ZNF19: variants seen among roughly 807,000 people sequenced by gnomAD.
ZNF19 encodes the protein zinc finger protein 19 (KOX 12).
In ZNF19, 11 loss-of-function variants were observed where a neutral mutation model predicts 13.1. That is an observed-to-expected ratio of 0.84 (90% confidence interval 0.53 to 1.39). ZNF19 has a LOEUF of 1.39. Among genes scored for constraint, ZNF19 ranks in the 40% most tolerant of loss-of-function variants. ZNF19 has a pLI of 0.00. For missense variants in ZNF19, 560 were observed against 547.0 expected, an observed-to-expected ratio of 1.02 and a Z score of -0.24; for synonymous variants, 186 against 187.0, an observed-to-expected ratio of 0.99 and a Z score of 0.04.
At chr16:71,477,930 G>A (rs780013626) in intron 5 of ZNF19, 2 of 289,834 alleles carry the variant, frequency 6.9e-6, no homozygotes, top group Non-Finnish European at 1.3e-5. Flanking sequence ...CTTAAACAAC[G>A]TTCAGCACAT....
intron 3 of ZNF19, among the ~76,000 whole-genome samples, chr16:71,481,157 G>A (rs1490642616): frequency 1.3e-5 from 2 of 152,210 alleles, no homozygotes; most frequent in Non-Finnish European, 1.5e-5. Flanking sequence ...GAAACTGAGT[G>A]ATCAGGACTG....
In ZNF19 at chr16:71,484,760, A is replaced by G; in HGVS notation, c.-189-12T>C. ...GGATCCTCAGAGACCTTGAATAGGAAAGAAAGTATATCATTGTTTTCGCTA... is the reference window on the plus strand; with the variant it reads ...GGATCCTCAGAGACCTTGAATAGGAGAGAAAGTATATCATTGTTTTCGCTA... On this transcript the variant is annotated splice_polypyrimidine_tract_variant and intron_variant, in intron 1 of 5. Transcript: ENST00000288177. The G allele has an allele frequency of 2.0e-6, 2 of 984,138 alleles. No homozygotes were observed. The highest frequency in any genetic ancestry group is 2.4e-6 in the Non-Finnish European group (2 of 828,738). 61.0% of individuals were successfully genotyped at this position (984,138 alleles called of 1,614,324 possible). A position where few individuals can be genotyped will look rare whatever the true frequency, so the allele number is the denominator to read the frequency against.
At chr16:71,479,617 T>G (rs2043625410) in intron 3 of ZNF19, among the ~76,000 whole-genome samples, 1 of 152,186 alleles carries the variant, frequency 6.6e-6, no homozygotes, top group South Asian at 2.1e-4. Context: ...CAATCCACTC[T>G]GCTCCTTGAT....
Position 71,475,402 on chromosome 16 carries a change from T to G in ZNF19, c.1145A>C (p.Glu382Ala), listed in dbSNP as rs758657078. 6.2e-7 allele frequency: 1 copy of G among 1,614,186 alleles called. No individual in the cohort carries two copies. The highest frequency in any genetic ancestry group is 8.5e-7 in the Non-Finnish European group (1 of 1,180,028). Residue 382 changes from glutamate (E) to alanine (A), a missense_variant, in exon 6 of 6, where the codon GAG becomes GCG. Transcript: ENST00000288177. ...ACACTCATCACATACATAGGAAGAC[T>G]CCTGAGTATGAATTCTCAGATGCCT... ...LKRHLRIHTQ[E>A]SSYVCDECGK...
intron 1 of ZNF19, among the ~76,000 whole-genome samples, chr16:71,488,357 CAA>C (rs1204906609): frequency 2.4e-4 from 16 of 65,372 alleles, no homozygotes; most frequent in East Asian, 4.5e-4. Flanking sequence ...GAGACTATCT[CAA>C]AAAAAAAAAA....
At chr16:71,488,650 T>C (rs2043698580) in intron 1 of ZNF19, among the ~76,000 whole-genome samples, 1 of 152,024 alleles carries the variant, frequency 6.6e-6, no homozygotes, top group East Asian at 2.0e-4. Context: ...AATACAAAAA[T>C]TAGCCGGGTG....
chr16:71,488,805 A>C (rs374725153), intron 1 of ZNF19, among the ~76,000 whole-genome samples: 1 of 152,246 alleles, frequency 6.6e-6, no homozygotes, highest in African/African-American at 2.4e-5. Flanking sequence ...GTCTCAAAAA[A>C]ACCAAAACAA....
chr16:71,483,726 T>G (rs1298348147), intron 2 of ZNF19, among the ~76,000 whole-genome samples: 1 of 152,214 alleles, frequency 6.6e-6, no homozygotes, highest in African/African-American at 2.4e-5. Context: ...TTGTGCTTTC[T>G]TCATTCAACA....
rs1257416044 is a variant in ZNF19 at position 71,475,851 on chromosome 16, C to G, written c.696G>C (p.Leu232=). 6.2e-7 allele frequency: 1 copy of G among 1,613,530 alleles called. No homozygotes were observed. The highest frequency in any genetic ancestry group is 1.1e-5 in the South Asian group (1 of 91,026). The part of the protein sequence containing the change: ...CGRAFNDNAN[L]IRHQRIHSGD... ...CACTGTGGATTCTCTGATGCCTGAT[C>G]AGATTTGCATTATCATTAAAGGCTC... Residue 232 remains leucine (L), a synonymous_variant, in exon 6 of 6, where the codon CTG becomes CTC. Coordinates refer to ENST00000288177, the MANE Select transcript of ZNF19 (RefSeq NM_006961.4).
In ZNF19 at chr16:71,475,277, T is replaced by C; in HGVS notation, c.1270A>G (p.Thr424Ala). The change falls in exon 6 of 6, where the codon ACT becomes GCT. Residue 424 changes from threonine to alanine, a missense_variant. By Grantham distance (58) the Thr-to-Ala change is moderately conservative. Coordinates refer to ENST00000288177, the MANE Select transcript of ZNF19 (RefSeq NM_006961.4). ...ECSKYEKAFGTSSQLGHLEHV... is the reference protein window; with the variant it reads ...ECSKYEKAFGASSQLGHLEHV... The stretch of plus-strand genomic sequence containing the variant: ...TCAAGGTGACCTAGCTGGGAAGAAG[T>C]CCCAAAGGCCTTCTCATACTTGCTA... 6.2e-7 allele frequency: 1 copy of C among 1,614,198 alleles called. No homozygotes were observed. Among genetic ancestry groups the C allele is most frequent in the Non-Finnish European group, 8.5e-7 (1 of 1,180,026 alleles).
rs115865959 is a variant in ZNF19 at position 71,479,058 on chromosome 16, G to A, written c.34-53C>T. 8.0e-4 allele frequency: 1,296 copies of A among 1,613,618 alleles called. 8 individuals are homozygous for A. In the African/African-American group the frequency reaches 0.016, roughly 20 times the overall value. Reference sequence around the variant, plus strand: ...GAGCCAATCCTCTGGCTCCGGGCCAGAGTGTGGGGCAGAGGGGACAGGTAG... The same window carrying A: ...GAGCCAATCCTCTGGCTCCGGGCCAAAGTGTGGGGCAGAGGGGACAGGTAG... On this transcript the variant is annotated intron_variant, in intron 3 of 5. Transcript: ENST00000288177.
At position 71,486,017 on chromosome 16, in the gene ZNF19, G is replaced by A. The variant is rs151228470; in HGVS notation, c.-189-1269C>T. On this transcript the variant is annotated intron_variant, in intron 1 of 5. Transcript: ENST00000288177. ...ATGACAAAGGGAAATTGAGGTTGCAGGTGGAATTAAGATTGCTAGTCAGCC... is the reference window on the plus strand; with the variant it reads ...ATGACAAAGGGAAATTGAGGTTGCAAGTGGAATTAAGATTGCTAGTCAGCC... 4.6e-4 allele frequency among the ~76,000 whole-genome samples: 70 copies of A among 152,158 alleles called. No individual in the cohort carries two copies. The Middle Eastern group carries it at 0.014, about 30-fold the overall frequency.
chr16:71,484,785 A>C (rs1355816316), intron 1 of ZNF19, 37 bp from the exon 2 acceptor site: 5 of 972,870 alleles, frequency 5.1e-6, no homozygotes, highest in Non-Finnish European at 6.1e-6. Context: ...TGTTTTCGCT[A>C]ATCTCTAACC....
At chr16:71,486,045 C>G (rs80179011) in intron 1 of ZNF19, among the ~76,000 whole-genome samples, 5,694 of 152,120 alleles carry the variant, frequency 0.037, 355 homozygotes, top group African/African-American at 0.13. Flanking sequence ...AGTCAGCCAA[C>G]TTTAAGATTA....
Position 71,475,539 on chromosome 16 carries a change from T to C in ZNF19, c.1008A>G (p.Gln336=), listed in dbSNP as rs889127380. ...TTAGTTTTGTATGAAAATTGAAGGC[T>C]TGTCCACATACTTTACAAGAATAAG... is the stretch of plus-strand genomic sequence containing the variant. ...EKPYSCKVCG[Q]AFNFHTKLTR... is the part of the protein sequence containing the mutation. Residue 336 remains glutamine, a synonymous_variant, in exon 6 of 6, where the codon CAA becomes CAG. Transcript: ENST00000288177. 1 of 1,614,166 alleles carries C rather than the reference T, an allele frequency of 6.2e-7. No individual in the cohort carries two copies. Among genetic ancestry groups the C allele is most frequent in the Non-Finnish European group, 8.5e-7 (1 of 1,180,040 alleles).
intron 1 of ZNF19, chr16:71,489,007 T>C (rs747307882): frequency 1.4e-4 from 22 of 154,644 alleles, no homozygotes; most frequent in Non-Finnish European, 2.8e-4. Context: ...CCTCTCCTGG[T>C]GCCCAGGCAG....
At chr16:71,480,723 C>T (rs1435991182) in intron 3 of ZNF19, among the ~76,000 whole-genome samples, 1 of 152,210 alleles carries the variant, frequency 6.6e-6, no homozygotes, top group Non-Finnish European at 1.5e-5. Flanking sequence ...GAATGAATCA[C>T]CACTAACTAG....
Position 71,478,686 on chromosome 16 carries a change from C to G in ZNF19, c.160+193G>C, listed in dbSNP as rs573891549. ...ACAGTAATTCCCTTCATTGGGAGAC[C>G]AAAGTGACCCAAGACCTCTCCCTAC... On this transcript the variant is annotated intron_variant, in intron 4 of 5. Coordinates refer to ENST00000288177, the MANE Select transcript of ZNF19 (RefSeq NM_006961.4). The G allele has an allele frequency of 4.0e-6, 3 of 751,746 alleles. No individual in the cohort carries two copies. In the South Asian group the frequency reaches 5.2e-5, roughly 13 times the overall value. 46.6% of individuals were successfully genotyped at this position (751,746 alleles called of 1,614,324 possible). A position where few individuals can be genotyped will look rare whatever the true frequency, so the allele number is the denominator to read the frequency against.
chr16:71,476,418 T>C, intron 5 of ZNF19, 146 bp from the exon 6 acceptor site: 1 of 961,136 alleles, frequency 1.0e-6, no homozygotes, highest in Non-Finnish European at 1.5e-6. Context: ...AAAGTGAAAG[T>C]GCCAAATATC....
Sources: gnomAD v4.1 joint callset for allele counts (sites outside exome capture counted in the v4.1 genomes callset) on GRCh38, gnomAD v4.1.1 for gene constraint, MANE v1.5 for transcripts, NCBI Gene and HGNC (gene_info 2026-07-23, HGNC 2026-07-21) for gene names.